Variants in MSH3 observed in about 807,000 individuals in gnomAD.
MSH3 encodes the protein DNA mismatch repair protein Msh3.
In MSH3, 106 loss-of-function variants were observed where a neutral mutation model predicts 123.3. The observed-to-expected ratio is 0.86, with a 90% CI of 0.73 to 1.01. MSH3 has a LOEUF of 1.01. Ranked by LOEUF, MSH3 falls within the 50% of genes least tolerant of loss-of-function variation. MSH3 has a pLI of 0.00. For synonymous variants in MSH3, 515 were observed against 481.4 expected, an observed-to-expected ratio of 1.07 and a Z score of -0.91; for missense variants, 1,459 against 1,347.6, an observed-to-expected ratio of 1.08 and a Z score of -1.29.
intron 7 of MSH3, among the ~76,000 whole-genome samples, chr5:80,675,844 G>A (rs1290007511): frequency 1.3e-5 from 2 of 152,130 alleles, no homozygotes; most frequent in Non-Finnish European, 2.9e-5. Flanking sequence ...TGGTGGCAAA[G>A]TGTTCTATAA....
intron 8 of MSH3, among the ~76,000 whole-genome samples, chr5:80,681,457 C>A (rs1054133118): frequency 2.6e-5 from 4 of 151,762 alleles, no homozygotes; most frequent in Non-Finnish European, 5.9e-5. Flanking sequence ...TTAAGGAAAT[C>A]ATCAGAAATG....
chr5:80,855,683 A>G (rs369413895), intron 21 of MSH3: 6 of 152,314 alleles, frequency 3.9e-5, no homozygotes, highest in Admixed American at 2.0e-4. Flanking sequence ...ACGACACTCA[A>G]TTTGGAAATG....
chr5:80,696,576 A>C (rs1374831845), intron 8 of MSH3, among the ~76,000 whole-genome samples: 1 of 152,134 alleles, frequency 6.6e-6, no homozygotes, highest in Admixed American at 6.5e-5. Flanking sequence ...TCACCGTCAT[A>C]CTGTTCCTCA....
intron 9 of MSH3, among the ~76,000 whole-genome samples, chr5:80,726,141 T>A (rs1480360820): frequency 1.3e-5 from 2 of 152,232 alleles, no homozygotes; most frequent in African/African-American, 4.8e-5. Flanking sequence ...ATGTCCACAA[T>A]CAGGCATTAA....
intron 11 of MSH3, among the ~76,000 whole-genome samples, chr5:80,742,170 T>C (rs1350762563): frequency 6.6e-6 from 1 of 152,062 alleles, no homozygotes; most frequent in East Asian, 1.9e-4. Context: ...CCACCACGCC[T>C]GGCTAATTTT....
At chr5:80,693,135 G>A (rs1307132822) in intron 8 of MSH3, among the ~76,000 whole-genome samples, 10 of 94,770 alleles carry the variant, frequency 1.1e-4, no homozygotes, top group African/African-American at 1.7e-4. Context: ...AAATATACAT[G>A]CACATGTATA....
At chr5:80,662,696 A>G (rs1373506081) in intron 2 of MSH3, among the ~76,000 whole-genome samples, 2 of 152,022 alleles carry the variant, frequency 1.3e-5, no homozygotes, top group Non-Finnish European at 2.9e-5. Context: ...ATATGGTGGC[A>G]CACACCTGTA....
rs748079064 is a variant in MSH3, at chr5:80,761,597, T to G, written c.1815T>G (p.Ser605=). The change falls in exon 13 of 24, where the codon TCT becomes TCG. Residue 605 remains serine (S), a synonymous_variant. Transcript: ENST00000265081. ...TATCGGAAGTTCTCCATTCAGAATC[T>G]AGTGTGTTTGGTCAGATAGAAAATC... is the stretch of plus-strand genomic sequence containing the variant. The part of the protein sequence containing the change: ...DAVSEVLHSE[S]SVFGQIENHL... 1 of 1,614,136 alleles carries G rather than the reference T, an allele frequency of 6.2e-7. No individual in the cohort carries two copies. The highest frequency in any genetic ancestry group is 1.1e-5 in the South Asian group (1 of 91,084).
intron 20 of MSH3, among the ~76,000 whole-genome samples, chr5:80,836,990 T>C (rs1745526453): frequency 1.3e-5 from 2 of 152,138 alleles, no homozygotes; most frequent in Non-Finnish European, 2.9e-5. Flanking sequence ...ATTGTTGTCA[T>C]GGTGACATGG....
At chr5:80,741,258 CTT>C (rs1743608815) in intron 10 of MSH3, among the ~76,000 whole-genome samples, 1 of 151,784 alleles carries the variant, frequency 6.6e-6, no homozygotes, top group African/African-American at 2.4e-5. Context: ...GAGTAACTAT[CTT>C]TGTCTTGCAT....
At position 80,873,098 on chromosome 5, in the gene MSH3, C is replaced by T. The variant is rs1561506457; in HGVS notation, c.3131-18C>T. The T allele has an allele frequency of 9.3e-6, 15 of 1,609,498 alleles. No homozygotes were observed. The highest frequency in any genetic ancestry group is 1.3e-5 in the Non-Finnish European group (15 of 1,175,998). On this transcript the variant is annotated intron_variant, in intron 22 of 23. Coordinates refer to ENST00000265081, the MANE Select transcript of MSH3 (RefSeq NM_002439.5). ...CAGCTTTCAGGCACAGTTTTGATCTCCTTTCTTTATTTCACAGGCGCAGCA... is the reference window on the plus strand; with the variant it reads ...CAGCTTTCAGGCACAGTTTTGATCTTCTTTCTTTATTTCACAGGCGCAGCA...
chr5:80,875,817 A>G lies in MSH3; in HGVS notation c.3369A>G (p.Thr1123=), dbSNP rs371712902. The change falls in exon 24 of 24, where the codon ACA becomes ACG. Residue 1123 remains threonine (T), a synonymous_variant. Coordinates refer to ENST00000265081, the MANE Select transcript of MSH3 (RefSeq NM_002439.5). ...ATGCACAAGACCTGCAGAAGTGGAC[A>G]GAGGAGTTCAACATGGAAGAAACAC... ...MHNAQDLQKW[T]EEFNMEETQT... is the part of the protein sequence containing the mutation. 5 of 1,613,784 alleles carry G rather than the reference A, an allele frequency of 3.1e-6. No homozygotes were observed. In the African/African-American group the frequency reaches 6.7e-5, roughly 22 times the overall value.
intron 17 of MSH3, among the ~76,000 whole-genome samples, chr5:80,786,797 TAAGAAAA>T (rs1308369018): frequency 3.9e-5 from 6 of 152,238 alleles, no homozygotes; most frequent in Middle Eastern, 3.4e-3. Flanking sequence ...TGGGATAATT[TAAGAAAA>T]AAGAAAAAAG....
At chr5:80,819,566 A>G (rs756363041) in intron 20 of MSH3, among the ~76,000 whole-genome samples, 1 of 150,668 alleles carries the variant, frequency 6.6e-6, no homozygotes, top group Non-Finnish European at 1.5e-5. Context: ...AGCTCACTGC[A>G]ACCTCCGCCT....
intron 19 of MSH3, among the ~76,000 whole-genome samples, chr5:80,799,011 CACA>C (rs751353647): frequency 3.3e-5 from 5 of 152,174 alleles, no homozygotes; most frequent in Non-Finnish European, 2.9e-5. Flanking sequence ...GAAAGTGGCT[CACA>C]ATGGTAGGAG....
At chr5:80,751,884 C>A (rs1743846008) in intron 12 of MSH3, among the ~76,000 whole-genome samples, 2 of 152,068 alleles carry the variant, frequency 1.3e-5, no homozygotes, top group African/African-American at 4.8e-5. Flanking sequence ...ACTGATTATA[C>A]CCATCTCTTT....
At chr5:80,866,032 GGAA>G (rs550520569) in intron 22 of MSH3, among the ~76,000 whole-genome samples, 63 of 152,326 alleles carry the variant, frequency 4.1e-4, no homozygotes, top group African/African-American at 1.4e-3. Context: ...TCACCAACAG[GGAA>G]GAAGAGGAGT....
chr5:80,814,094 C>A (rs1327306181), intron 20 of MSH3, among the ~76,000 whole-genome samples: 1 of 150,190 alleles, frequency 6.7e-6, no homozygotes, highest in Admixed American at 6.7e-5. Flanking sequence ...CCATTGCACT[C>A]CAGCCTGGGC....
chr5:80,810,166 G>T (rs1744980378), intron 19 of MSH3, among the ~76,000 whole-genome samples: 1 of 41,050 alleles, frequency 2.4e-5, no homozygotes, highest in Non-Finnish European at 4.8e-5. Flanking sequence ...TCTTTTGTTT[G>T]ACATACATAT....
Sources: allele counts gnomAD v4.1 joint callset (sites outside exome capture counted in the v4.1 genomes callset), GRCh38; gene constraint gnomAD v4.1.1; transcripts MANE v1.5; gene names NCBI Gene and HGNC (gene_info 2026-07-23, HGNC 2026-07-21).